The following DIP2C variants were observed in gnomAD, a reference collection of about 807,000 sequenced individuals.
DIP2C encodes disco-interacting protein 2 homolog C.
In DIP2C, 33 loss-of-function variants were observed where a neutral mutation model predicts 192.4. That is an observed-to-expected ratio of 0.17 (90% CI 0.13 to 0.23). The LOEUF (loss-of-function observed/expected upper bound fraction) is 0.23. Ranked by LOEUF, DIP2C falls within the 10% of genes least tolerant of loss-of-function variation. The pLI is 1.00. For synonymous variants in DIP2C, 979 were observed against 864.1 expected, an observed-to-expected ratio of 1.13 and a Z score of -2.33; for missense variants, 1,537 against 2,110.1, an observed-to-expected ratio of 0.73 and a Z score of 5.32.
At chr10:492,507 T>C (rs1020434005) in intron 1 of DIP2C, among the ~76,000 whole-genome samples, 1 of 152,246 alleles carries the variant, frequency 6.6e-6, no homozygotes, top group East Asian at 1.9e-4. Context: ...CTAGGATTCA[T>C]ACATTCACCT....
intron 36 of DIP2C, among the ~76,000 whole-genome samples, 193 bp downstream of exon 36, chr10:281,007 G>A (rs1954791485): frequency 6.6e-6 from 1 of 152,118 alleles, no homozygotes; most frequent in Admixed American, 6.5e-5. Flanking sequence ...GTAATATATG[G>A]TACATTAACT....
intron 14 of DIP2C, among the ~76,000 whole-genome samples, chr10:386,566 C>T (rs1304393884): frequency 2.0e-5 from 3 of 152,206 alleles, no homozygotes; most frequent in Non-Finnish European, 4.4e-5. Context: ...CATCTTATCC[C>T]CCAACAGCAT....
At chr10:551,114 C>T (rs796364413) in intron 1 of DIP2C, among the ~76,000 whole-genome samples, 8 of 152,360 alleles carry the variant, frequency 5.3e-5, no homozygotes, top group African/African-American at 1.9e-4. Context: ...CCTCTGCCCT[C>T]ACTAGACACT....
chr10:367,169 G>C (rs1179028481), intron 18 of DIP2C, among the ~76,000 whole-genome samples: 1 of 152,220 alleles, frequency 6.6e-6, no homozygotes, highest in Non-Finnish European at 1.5e-5. Context: ...TGTAATCCCA[G>C]TACTTTGGGA....
chr10:447,024 G>A (rs576363172), intron 3 of DIP2C, among the ~76,000 whole-genome samples: 2 of 152,334 alleles, frequency 1.3e-5, no homozygotes, highest in East Asian at 1.9e-4. Context: ...TATATGTCAA[G>A]AAGAGTGAAA....
chr10:342,299 C>T (rs1958189697), intron 28 of DIP2C, among the ~76,000 whole-genome samples: 2 of 152,170 alleles, frequency 1.3e-5, no homozygotes, highest in South Asian at 4.1e-4. Context: ...GCTGGGGTTA[C>T]AGGCGCCCGC....
chr10:339,901 T>C (rs1042132010), intron 29 of DIP2C, among the ~76,000 whole-genome samples: 2 of 152,196 alleles, frequency 1.3e-5, no homozygotes, highest in African/African-American at 2.4e-5. Context: ...CAGAAGAGTG[T>C]TGACAGGAGA....
At chr10:328,006 G>T (rs981211813) in intron 30 of DIP2C, among the ~76,000 whole-genome samples, 1 of 152,208 alleles carries the variant, frequency 6.6e-6, no homozygotes, top group Non-Finnish European at 1.5e-5. Flanking sequence ...AAGGCGAGCC[G>T]TGAATGTCTG....
intron 6 of DIP2C, among the ~76,000 whole-genome samples, chr10:417,620 G>A (rs1176321988): frequency 3.3e-5 from 5 of 149,610 alleles, no homozygotes; most frequent in African/African-American, 1.3e-4. Context: ...CTGTCTGCCT[G>A]CGCCTGTCAG....
chr10:652,786 A>AT lies in DIP2C; in HGVS notation c.85+36707dup, dbSNP rs1288794942. The AT allele has an allele frequency of 6.7e-4, 98 of 146,330 alleles. No individual in the cohort carries two copies. Among genetic ancestry groups the AT allele is most frequent in the South Asian group, 2.0e-3 (9 of 4,580 alleles). The allele number at this position is 146,330 out of a possible 1,614,324, so 9.1% of individuals were successfully genotyped here. On this transcript the variant is annotated intron_variant, in intron 1 of 36. Transcript: ENST00000280886. This position sits in a 1 kb window ranked among gnomAD's most constrained non-coding sequence, Gnocchi z 4.5. Reference sequence around the variant, plus strand: ...CAAGCACAGAACCGCACGCAGAGTGATTTTTTTTTTTTTAAACAGAAATGG... The same window carrying AT: ...CAAGCACAGAACCGCACGCAGAGTGATTTTTTTTTTTTTTAAACAGAAATGG...
intron 1 of DIP2C, among the ~76,000 whole-genome samples, chr10:598,832 C>T (rs745491619): frequency 8.7e-4 from 133 of 152,336 alleles, no homozygotes; most frequent in African/African-American, 2.7e-3. Flanking sequence ...TGGGTGTCTC[C>T]GACATCTTTG....
intron 8 of DIP2C, 86 bp downstream of exon 8, chr10:413,827 G>T: frequency 6.7e-7 from 1 of 1,502,060 alleles, no homozygotes; most frequent in Non-Finnish European, 9.1e-7. Context: ...CTTAAGTGAG[G>T]ATGTAAACGG....
intron 17 of DIP2C, among the ~76,000 whole-genome samples, chr10:372,618 G>T (rs371829111): frequency 6.6e-6 from 1 of 152,060 alleles, no homozygotes; most frequent in Non-Finnish European, 1.5e-5. Flanking sequence ...AAAACGCACG[G>T]CCCCGGGATT....
At chr10:638,330 G>A (rs923277606) in intron 1 of DIP2C, among the ~76,000 whole-genome samples, 37 of 152,168 alleles carry the variant, frequency 2.4e-4, no homozygotes, top group African/African-American at 8.4e-4. Flanking sequence ...TAAAATTTAT[G>A]AAAAGAGCAC....
At chr10:364,972 A>G (rs766861709) in intron 19 of DIP2C, 2 of 534,342 alleles carry the variant, frequency 3.7e-6, no homozygotes, top group South Asian at 2.9e-5. Flanking sequence ...TTAGTTTTAA[A>G]GTAATCTCTC....
chr10:375,897 T>A (rs1961521241), intron 17 of DIP2C, among the ~76,000 whole-genome samples: 1 of 152,052 alleles, frequency 6.6e-6, no homozygotes, highest in Admixed American at 6.5e-5. Flanking sequence ...ATACGGGCGA[T>A]CTCCAATGTA....
intron 1 of DIP2C, among the ~76,000 whole-genome samples, chr10:552,531 A>T (rs374889740): frequency 6.6e-6 from 1 of 152,242 alleles, no homozygotes; most frequent in East Asian, 1.9e-4. Flanking sequence ...AGTCTATTTC[A>T]TTCCTCAAAT....
intron 24 of DIP2C, among the ~76,000 whole-genome samples, chr10:351,081 G>T (rs79546651): frequency 6.6e-6 from 1 of 152,170 alleles, no homozygotes; most frequent in Non-Finnish European, 1.5e-5. Flanking sequence ...CAGCGAGCCC[G>T]AGATGGCTGT....
At chr10:335,246 G>T (rs1420922699) in intron 29 of DIP2C, among the ~76,000 whole-genome samples, 1 of 152,166 alleles carries the variant, frequency 6.6e-6, no homozygotes, top group African/African-American at 2.4e-5. Flanking sequence ...CAAAGTTATA[G>T]AAAATGTACA....
Sources: allele counts gnomAD v4.1 joint callset (sites outside exome capture counted in the v4.1 genomes callset), GRCh38; gene constraint gnomAD v4.1.1; non-coding constraint Gnocchi (gnomAD v3.1); transcripts MANE v1.5; gene names NCBI Gene and HGNC (gene_info 2026-07-23, HGNC 2026-07-21).